TMEM185A: variants seen among roughly 807,000 people sequenced by gnomAD.
TMEM185A encodes the protein transmembrane protein 185A.
Under a neutral mutation model 25.0 loss-of-function variants are expected in TMEM185A, and 9 were observed. That is an observed-to-expected ratio of 0.36 (90% CI 0.22 to 0.63). The LOEUF (loss-of-function observed/expected upper bound fraction) is 0.63. Ranked by LOEUF, TMEM185A falls within the 20% of genes least tolerant of loss-of-function variation. The pLI, the probability that TMEM185A is intolerant of heterozygous loss-of-function variation, is 0.68. For missense variants in TMEM185A, 103 were observed against 237.4 expected (o/e 0.43, Z 3.72); for synonymous variants, 45 against 93.5 (o/e 0.48, Z 2.99).
rs973485564 is a variant in TMEM185A, at chrX:149,611,561, G to A, written c.39-98C>T. 17 of 775,024 alleles carry A rather than the reference G, an allele frequency of 2.2e-5. No homozygotes were observed. The African/African-American group carries it at 2.3e-4, about 11-fold the overall frequency. The allele number at this position is 775,024 out of a possible 1,213,427, so 63.9% of individuals were successfully genotyped here. On this transcript the variant is annotated intron_variant, in intron 1 of 6. Transcript: ENST00000600449. Reference sequence around the variant, plus strand: ...GAGCCACATTTGTCAGCATGTAAAAGGAGTCACTAACTCAATAATCATTTA... The same window carrying A: ...GAGCCACATTTGTCAGCATGTAAAAAGAGTCACTAACTCAATAATCATTTA...
chrX:149,624,727 TTTTA>T (rs1399682218), intron 1 of TMEM185A, among the ~76,000 whole-genome samples: 2 of 111,974 alleles, frequency 1.8e-5, no homozygotes, highest in Non-Finnish European at 3.8e-5. Flanking sequence ...CTTTAGCTGG[TTTTA>T]TTAAGATAAA....
rs1423230530 is a variant in TMEM185A, at chrX:149,622,447, A to G, written c.38+9096T>C. 2.7e-5 allele frequency among the ~76,000 whole-genome samples: 3 copies of G among 112,052 alleles called. No homozygotes were observed. The Admixed American group carries it at 2.8e-4, about 11-fold the overall frequency. ...CACAAGAGTAGATTTAAAAAACAGCAAGGTTATATGAAGAGAATTAAGTAG... is the reference window on the plus strand; with the variant it reads ...CACAAGAGTAGATTTAAAAAACAGCGAGGTTATATGAAGAGAATTAAGTAG... On this transcript the variant is annotated intron_variant, in intron 1 of 6. Transcript: ENST00000600449.
intron 1 of TMEM185A, among the ~76,000 whole-genome samples, chrX:149,615,216 G>GA (rs1330312708): frequency 1.8e-5 from 2 of 112,177 alleles, no homozygotes; most frequent in African/African-American, 6.5e-5. Flanking sequence ...TTAGCAGGCT[G>GA]AAAAAGAAAA....
chrX:149,616,678 G>T (rs1441960143), intron 1 of TMEM185A, among the ~76,000 whole-genome samples: 1 of 111,986 alleles, frequency 8.9e-6, no homozygotes, highest in East Asian at 2.8e-4. Context: ...TGTGGGTCAT[G>T]ATTTAGCCTA....
intron 4 of TMEM185A, among the ~76,000 whole-genome samples, chrX:149,602,864 G>A (rs2090025295): frequency 8.9e-6 from 1 of 112,070 alleles, no homozygotes; most frequent in Admixed American, 9.5e-5. Context: ...AAGACTTTGG[G>A]CAGAAGTGAT....
chrX:149,631,735 T>TCGCCGTCGCCGC lies in TMEM185A; in HGVS notation c.-156_-155insGCGGCGACGGCG, dbSNP rs1557356767. On this transcript the variant is annotated 5_prime_UTR_variant, in exon 1 of 7. Transcript: ENST00000600449. The stretch of plus-strand genomic sequence containing the variant: ...GTCCCCGCTGCCGTCGCCGTCGCCG[T>TCGCCGTCGCCGC]CGCCGCCGCCGCCGCCGCCGCCGCC... 3.5e-4 allele frequency: 118 copies of TCGCCGTCGCCGC among 335,627 alleles called. No individual in the cohort carries two copies. Among genetic ancestry groups the TCGCCGTCGCCGC allele is most frequent in the Non-Finnish European group, 3.9e-4 (81 of 210,112 alleles). 27.7% of individuals were successfully genotyped at this position (335,627 alleles called of 1,213,427 possible).
chrX:149,630,238 A>G (rs1279497180), intron 1 of TMEM185A, among the ~76,000 whole-genome samples: 1 of 111,882 alleles, frequency 8.9e-6, no homozygotes, highest in East Asian at 2.8e-4. Context: ...GAATAAGAGC[A>G]CATACAAAGT....
At chrX:149,624,045 T>C (rs1557355794) in intron 1 of TMEM185A, among the ~76,000 whole-genome samples, 1 of 112,956 alleles carries the variant, frequency 8.9e-6, no homozygotes, top group African/African-American at 3.2e-5. Context: ...TACTTTGAGT[T>C]ACTTTTCAAG....
chrX:149,631,434 G>A, intron 1 of TMEM185A, 109 bp downstream of exon 1: 1 of 946,437 alleles, frequency 1.1e-6, no homozygotes, highest in Non-Finnish European at 1.4e-6. Flanking sequence ...CAGGCGCCCG[G>A]GTCCTCGGGC....
intron 3 of TMEM185A, among the ~76,000 whole-genome samples, chrX:149,606,305 G>A (rs2090050976): frequency 8.9e-6 from 1 of 112,773 alleles, no homozygotes; most frequent in Non-Finnish European, 1.9e-5. Flanking sequence ...TGAAAGGAAT[G>A]CAGTGTGGCC....
At chrX:149,622,885 TTTTA>T (rs1196345424) in intron 1 of TMEM185A, among the ~76,000 whole-genome samples, 1 of 111,883 alleles carries the variant, frequency 8.9e-6, no homozygotes, top group African/African-American at 3.2e-5. Context: ...TAAAAATTAT[TTTTA>T]TTTATTATGG....
At chrX:149,630,629 C>T (rs1306503677) in intron 1 of TMEM185A, among the ~76,000 whole-genome samples, 1 of 111,999 alleles carries the variant, frequency 8.9e-6, no homozygotes, top group Non-Finnish European at 1.9e-5. Flanking sequence ...CACCCAGTTA[C>T]ATATGGCCTC....
chrX:149,616,592 G>T (rs1053519955), intron 1 of TMEM185A, among the ~76,000 whole-genome samples: 15 of 111,881 alleles, frequency 1.3e-4, no homozygotes, highest in African/African-American at 4.5e-4. Context: ...ACCTGTGATT[G>T]ATTGCATTTA....
At position 149,631,792 on chromosome X, in the gene TMEM185A, T is replaced by A; in HGVS notation, c.-212A>T. On this transcript the variant is annotated 5_prime_UTR_variant, in exon 1 of 7. Coordinates refer to ENST00000600449, the MANE Select transcript of TMEM185A (RefSeq NM_032508.4). ...GCCGCCGCCGCCGCCCGGAGAAACC[T>A]GAGCCACCGCCCCCTGCCCCTCCTT... 3.5e-6 allele frequency: 1 copy of A among 286,362 alleles called. No homozygotes were observed. The highest frequency in any genetic ancestry group is 8.0e-5 in the East Asian group (1 of 12,567). 23.6% of individuals were successfully genotyped at this position (286,362 alleles called of 1,213,427 possible). A position where few individuals can be genotyped will look rare whatever the true frequency, so the allele number is the denominator to read the frequency against.
chrX:149,631,441 G>C, intron 1 of TMEM185A, 102 bp downstream of exon 1: 1 of 983,208 alleles, frequency 1.0e-6, no homozygotes, highest in Non-Finnish European at 1.3e-6. Context: ...CCGGGTCCTC[G>C]GGCTGCAGCA....
chrX:149,624,163 C>T (rs1162038315), intron 1 of TMEM185A, among the ~76,000 whole-genome samples: 1 of 112,445 alleles, frequency 8.9e-6, no homozygotes, highest in Non-Finnish European at 1.9e-5. Context: ...TCTTAAAATT[C>T]ACTTTTCCAG....
In TMEM185A at chrX:149,608,789, T is replaced by G. The variant is rs2090066485; in HGVS notation, c.261A>C (p.Ala87=). Residue 87 remains alanine (A), a synonymous_variant, in exon 3 of 7, where the codon GCA becomes GCC. Coordinates refer to ENST00000600449, the MANE Select transcript of TMEM185A (RefSeq NM_032508.4). ...TCVEFKAMLI[A]VGIHLLLLMF... ...TCAACAAGAGCAAGTGGATGCCCACTGCAATCAACATGGCTTTAAACTCCA... is the reference window on the plus strand; with the variant it reads ...TCAACAAGAGCAAGTGGATGCCCACGGCAATCAACATGGCTTTAAACTCCA... The G allele has an allele frequency of 8.3e-7, 1 of 1,209,955 alleles. No individual in the cohort carries two copies. The highest frequency in any genetic ancestry group is 1.8e-5 in the African/African-American group (1 of 57,111).
intron 3 of TMEM185A, among the ~76,000 whole-genome samples, chrX:149,604,690 T>C (rs1181487158): frequency 9.0e-6 from 1 of 111,508 alleles, no homozygotes; most frequent in African/African-American, 3.3e-5. Flanking sequence ...GAGACAGTAA[T>C]GAATATGCAA....
At chrX:149,602,750 G>A (rs1193270425) in intron 4 of TMEM185A, among the ~76,000 whole-genome samples, 1 of 111,782 alleles carries the variant, frequency 8.9e-6, no homozygotes, top group African/African-American at 3.3e-5. Flanking sequence ...TTTCCTTCAC[G>A]TCACAACAGA....
Sources: gnomAD v4.1 joint callset for allele counts (sites outside exome capture counted in the v4.1 genomes callset) on GRCh38, gnomAD v4.1.1 for gene constraint, MANE v1.5 for transcripts, NCBI Gene and HGNC (gene_info 2026-07-23, HGNC 2026-07-21) for gene names.